Variants in VSTM5 observed in about 807,000 individuals in gnomAD.
VSTM5 encodes V-set and transmembrane domain-containing protein 5.
VSTM5 carries 21 observed loss-of-function variants against 20.3 expected under a neutral mutation model. That is an observed-to-expected ratio of 1.03 (90% CI 0.73 to 1.49). VSTM5 has a LOEUF of 1.49. Among genes scored for constraint, VSTM5 ranks in the 40% most tolerant of loss-of-function variants. The pLI, the probability that VSTM5 is intolerant of heterozygous loss-of-function variation, is 0.00. For synonymous variants in VSTM5, 100 were observed against 102.5 expected (o/e 0.98, Z 0.14); for missense variants, 219 against 250.0 (o/e 0.88, Z 0.84).
intron 1 of VSTM5, among the ~76,000 whole-genome samples, chr11:93,838,014 G>T (rs932318279): frequency 3.9e-5 from 6 of 152,102 alleles, no homozygotes; most frequent in Non-Finnish European, 4.4e-5. Flanking sequence ...GTGGGAGTGT[G>T]CAGGGAAAGC....
chr11:93,837,388 G>A (rs1944331718), intron 1 of VSTM5, among the ~76,000 whole-genome samples: 1 of 152,044 alleles, frequency 6.6e-6, no homozygotes, highest in Admixed American at 6.6e-5. Context: ...ACATGCATGT[G>A]CATGCACCCA....
chr11:93,838,627 TAAAA>T (rs56088617), intron 1 of VSTM5, among the ~76,000 whole-genome samples: 5 of 93,222 alleles, frequency 5.4e-5, no homozygotes, highest in African/African-American at 4.3e-5. Context: ...TCCCGTCTCT[TAAAA>T]AAAAAAAAAA....
At chr11:93,847,965 CTT>C (rs1416976669) in intron 1 of VSTM5, among the ~76,000 whole-genome samples, 2 of 152,172 alleles carry the variant, frequency 1.3e-5, no homozygotes, top group Non-Finnish European at 2.9e-5. Context: ...TCTGGTCTCT[CTT>C]CCTCTTCTTA....
chr11:93,850,279 G>A, intron 1 of VSTM5, 133 bp downstream of exon 1: 1 of 665,134 alleles, frequency 1.5e-6, no homozygotes, highest in Non-Finnish European at 2.4e-6. Context: ...CCTGCCAGCC[G>A]AGCTCACCGC....
At chr11:93,840,396 T>C (rs1180327631) in intron 1 of VSTM5, among the ~76,000 whole-genome samples, 1 of 152,198 alleles carries the variant, frequency 6.6e-6, no homozygotes, top group Non-Finnish European at 1.5e-5. Context: ...TCAAGATTGA[T>C]AACCACTGAG....
chr11:93,832,664 A>T (rs979035327), intron 1 of VSTM5, among the ~76,000 whole-genome samples: 1 of 152,254 alleles, frequency 6.6e-6, no homozygotes, highest in African/African-American at 2.4e-5. Context: ...CAACCCCATG[A>T]GCATTACCTC....
chr11:93,837,011 G>GCACACACACACACACACACACACACA (rs59949447), intron 1 of VSTM5, among the ~76,000 whole-genome samples: 1 of 140,742 alleles, frequency 7.1e-6, no homozygotes, highest in East Asian at 2.1e-4. Flanking sequence ...AAAAAAAAAT[G>GCACACACACACACACACACACACACA]CACACACACA....
intron 1 of VSTM5, among the ~76,000 whole-genome samples, chr11:93,825,877 TAAATG>T (rs1944229846): frequency 6.7e-6 from 1 of 150,224 alleles, no homozygotes; most frequent in African/African-American, 2.4e-5. Flanking sequence ...AGGTCAGAAA[TAAATG>T]AAATAGAGAC....
rs570378021 is a variant in VSTM5, at chr11:93,820,357, C to G, written c.*212G>C. The G allele has an allele frequency of 1.6e-5, 9 of 577,582 alleles. No homozygotes were observed. The South Asian group carries it at 1.8e-4, about 12-fold the overall frequency. 35.8% of individuals were successfully genotyped at this position (577,582 alleles called of 1,614,324 possible). A position where few individuals can be genotyped will look rare whatever the true frequency, so the allele number is the denominator to read the frequency against. ...AGCTCCTGGTTCAAAGCCTCAATCACTCTTCTCCTTGAACTTAGCGCGAGT... is the reference window on the plus strand; with the variant it reads ...AGCTCCTGGTTCAAAGCCTCAATCAGTCTTCTCCTTGAACTTAGCGCGAGT... On this transcript the variant is annotated 3_prime_UTR_variant, in exon 4 of 4. Transcript: ENST00000409977.
intron 1 of VSTM5, among the ~76,000 whole-genome samples, chr11:93,847,310 C>T (rs1306389813): frequency 6.6e-6 from 1 of 152,058 alleles, no homozygotes; most frequent in Non-Finnish European, 1.5e-5. Context: ...GTGATGGACC[C>T]AGAGTCTCGT....
intron 1 of VSTM5, among the ~76,000 whole-genome samples, chr11:93,830,157 G>T (rs1944270071): frequency 6.6e-6 from 1 of 152,150 alleles, no homozygotes; most frequent in Middle Eastern, 3.2e-3. Context: ...CAGGGTGGGG[G>T]CAGGGCAGAG....
intron 1 of VSTM5, among the ~76,000 whole-genome samples, chr11:93,832,959 T>G (rs1469467029): frequency 6.6e-6 from 1 of 152,142 alleles, no homozygotes; most frequent in Non-Finnish European, 1.5e-5. Context: ...TGGCAAAGAC[T>G]TGGGAGACAG....
chr11:93,833,820 C>T (rs1219359449), intron 1 of VSTM5, among the ~76,000 whole-genome samples: 5 of 152,106 alleles, frequency 3.3e-5, no homozygotes, highest in Middle Eastern at 3.2e-3. Flanking sequence ...CCAGCATACC[C>T]GTGGACAGCC....
At chr11:93,841,560 G>A (rs1470963455) in intron 1 of VSTM5, among the ~76,000 whole-genome samples, 1 of 152,234 alleles carries the variant, frequency 6.6e-6, no homozygotes, top group African/African-American at 2.4e-5. Flanking sequence ...GAACCAGATT[G>A]CAGGGCCCGG....
chr11:93,845,930 C>T (rs1189839650), intron 1 of VSTM5, among the ~76,000 whole-genome samples: 1 of 152,246 alleles, frequency 6.6e-6, no homozygotes, highest in Non-Finnish European at 1.5e-5. Context: ...GGCAGGATGC[C>T]TCCCATGACT....
intron 1 of VSTM5, among the ~76,000 whole-genome samples, chr11:93,847,007 C>T (rs897569778): frequency 1.1e-4 from 17 of 152,046 alleles, no homozygotes; most frequent in Non-Finnish European, 2.4e-4. Flanking sequence ...CCTTGTGATC[C>T]GCCCGGCTCG....
rs16919404 is a variant in VSTM5, at chr11:93,819,366, T to C, written c.*1203A>G. Reference sequence around the variant, plus strand: ...GGATGGAGAAACTTACAGGTGAACATGGTGACCAACAACCTGAGGGAATAA... The same window carrying C: ...GGATGGAGAAACTTACAGGTGAACACGGTGACCAACAACCTGAGGGAATAA... On this transcript the variant is annotated 3_prime_UTR_variant, in exon 4 of 4. Transcript: ENST00000409977. The C allele has an allele frequency of 6.2e-3, 948 of 152,366 alleles. 10 individuals are homozygous for C. Among genetic ancestry groups the C allele is most frequent in the African/African-American group, 0.022 (922 of 41,586 alleles). The allele number at this position is 152,366 out of a possible 1,614,324, so 9.4% of individuals were successfully genotyped here. A position where few individuals can be genotyped will look rare whatever the true frequency, so the allele number is the denominator to read the frequency against.
intron 1 of VSTM5, among the ~76,000 whole-genome samples, chr11:93,834,218 C>T (rs1944304663): frequency 6.6e-6 from 1 of 152,170 alleles, no homozygotes; most frequent in African/African-American, 2.4e-5. Flanking sequence ...AGGATAGACT[C>T]AAGATCACCA....
intron 1 of VSTM5, among the ~76,000 whole-genome samples, chr11:93,843,880 G>C (rs912303281): frequency 3.3e-5 from 5 of 151,940 alleles, no homozygotes; most frequent in Admixed American, 3.3e-4. Context: ...CACCCACTGG[G>C]CCTTTATTCA....
Sources: allele counts gnomAD v4.1 joint callset (sites outside exome capture counted in the v4.1 genomes callset), GRCh38; gene constraint gnomAD v4.1.1; transcripts MANE v1.5; gene names NCBI Gene and HGNC (gene_info 2026-07-23, HGNC 2026-07-21).